ETV4: variants seen among roughly 807,000 people sequenced by gnomAD.
The protein encoded by ETV4 is ETS variant transcription factor 4.
A neutral mutation model predicts 65.9 loss-of-function variants in ETV4; 42 were observed. The observed-to-expected ratio is 0.64, with a 90% CI of 0.50 to 0.82. The LOEUF is 0.82. Ranked by LOEUF, ETV4 falls within the 40% of genes least tolerant of loss-of-function variation. The pLI, the probability that ETV4 is intolerant of heterozygous loss-of-function variation, is 0.00. For synonymous variants in ETV4, 238 were observed against 260.0 expected, an observed-to-expected ratio of 0.92 and a Z score of 0.81; for missense variants, 583 against 630.3, an observed-to-expected ratio of 0.92 and a Z score of 0.80.
At position 43,530,198 on chromosome 17, in the gene ETV4, G is replaced by A. The variant is rs1346691663; in HGVS notation, c.812-17C>T. On this transcript the variant is annotated splice_polypyrimidine_tract_variant and intron_variant, in intron 8 of 12. Coordinates refer to ENST00000319349, the MANE Select transcript of ETV4 (RefSeq NM_001079675.5). Reference sequence around the variant, plus strand: ...CGGTGACATCTGTGGGGGAAGAAGGGGTGATGTGAGAAGTGGCTTGGGGTG... The same window carrying A: ...CGGTGACATCTGTGGGGGAAGAAGGAGTGATGTGAGAAGTGGCTTGGGGTG... 8.4e-6 allele frequency: 13 copies of A among 1,553,024 alleles called. No individual in the cohort carries two copies. Among genetic ancestry groups the A allele is most frequent in the Middle Eastern group, 1.7e-4 (1 of 6,022 alleles).
In ETV4 at chr17:43,532,790, G is replaced by A. The variant is rs1971016458; in HGVS notation, c.695C>T (p.Pro232Leu). 1.2e-6 allele frequency: 2 copies of A among 1,614,008 alleles called. No homozygotes were observed. Among genetic ancestry groups the A allele is most frequent in the African/African-American group, 1.3e-5 (1 of 75,000 alleles). The change falls in exon 8 of 13, where the codon CCC (proline) becomes CTC (leucine). Residue 232 changes from proline (P) to leucine (L), a missense_variant. By Grantham distance (98) the Pro-to-Leu change is moderately conservative. Coordinates refer to ENST00000319349, the MANE Select transcript of ETV4 (RefSeq NM_001079675.5). ...TGGCTGGCCCGCCTGTTCATACAGG[G>A]GATCATGGTATTCTTGCTTAAAGCT... ...QQSFKQEYHD[P>L]LYEQAGQPAV...
intron 4 of ETV4, among the ~76,000 whole-genome samples, chr17:43,541,128 G>T (rs1490216762): frequency 6.6e-6 from 1 of 152,124 alleles, no homozygotes; most frequent in Non-Finnish European, 1.5e-5. Context: ...AAGAGGTGGT[G>T]CCATCCTCTT....
In ETV4 at chr17:43,532,756, GTC is replaced by G; in HGVS notation, c.727_728del (p.Asp243ProfsTer49). On this transcript the variant is annotated frameshift_variant, in exon 8 of 13. Transcript: ENST00000319349. LOFTEE classifies it high-confidence loss of function. ...ACCTGTGCCCATTGACCCCACCCTG[GTC>G]CACGGCTGGCTGGCCCGCCTGTTCA... ...LYEQAGQPAV[D>X]QGGVNGHRYP... The G allele has an allele frequency of 6.2e-7, 1 of 1,613,972 alleles. No individual in the cohort carries two copies.
Position 43,529,942 on chromosome 17 carries a change from A to G in ETV4, c.897T>C (p.Tyr299=), listed in dbSNP as rs917050758. Residue 299 remains tyrosine (Y), a synonymous_variant, in exon 10 of 13, where the codon TAT becomes TAC. Transcript: ENST00000319349. ...SPGDGAMGYG[Y]EKPLRPFPDD... Reference sequence around the variant, plus strand: ...CTGGGAATGGTCGCAGAGGTTTCTCATAGCCATAGCCTTGTGGAGGAAATT... The same window carrying G: ...CTGGGAATGGTCGCAGAGGTTTCTCGTAGCCATAGCCTTGTGGAGGAAATT... The G allele has an allele frequency of 5.0e-6, 8 of 1,613,214 alleles. No homozygotes were observed. In the African/African-American group the frequency reaches 6.7e-5, roughly 13 times the overall value.
chr17:43,536,588 C>T, intron 4 of ETV4, 109 bp from the exon 5 acceptor site: 1 of 892,506 alleles, frequency 1.1e-6, no homozygotes, highest in Non-Finnish European at 1.8e-6. Flanking sequence ...GGACCAACAG[C>T]CTTTAGATCA....
At chr17:43,544,932 CT>C (rs1971722457) in intron 4 of ETV4, 42 bp downstream of exon 4, 8 of 1,593,512 alleles carry the variant, frequency 5.0e-6, no homozygotes, top group African/African-American at 2.7e-5. Flanking sequence ...GAGTGTCCCC[CT>C]GTCCAGCCTC....
chr17:43,544,781 A>G, intron 4 of ETV4, 194 bp downstream of exon 4: 1 of 555,468 alleles, frequency 1.8e-6, no homozygotes, highest in Non-Finnish European at 3.3e-6. Flanking sequence ...TAGAGAAAAT[A>G]AATATCAATA....
rs746055784 is a variant in ETV4 at position 43,532,935 on chromosome 17, C to T, written c.550G>A (p.Val184Ile). Residue 184 changes from valine (V) to isoleucine (I), a missense_variant, in exon 8 of 13, where the codon GTC becomes ATC. Transcript: ENST00000319349. ...GHGYLGEHSS[V>I]FQQPLDICHS... ...CAAATGTCCAGGGGCTGCTGGAAGA[C>T]GGAGCTGGATGTGGTTGGATGGAGA... 21 of 1,564,870 alleles carry T rather than the reference C, an allele frequency of 1.3e-5. No homozygotes were observed. The highest frequency in any genetic ancestry group is 5.7e-5 in the Admixed American group (3 of 52,726).
chr17:43,545,689 G>T, intron 1 of ETV4, 21 bp from the exon 2 acceptor site: 2 of 1,321,384 alleles, frequency 1.5e-6, no homozygotes, highest in Non-Finnish European at 2.1e-6. Flanking sequence ...AGGGGGCTGC[G>T]TTCGCACACC....
chr17:43,529,687 C>G lies in ETV4; in HGVS notation c.956-11G>C. On this transcript the variant is annotated splice_polypyrimidine_tract_variant and intron_variant, in intron 10 of 12. Transcript: ENST00000319349. Reference sequence around the variant, plus strand: ...CCTGCTTGATGTCTCCTGGGGAACACGAAAATAGGAGGTGTGGGGTTTGTG... The same window carrying G: ...CCTGCTTGATGTCTCCTGGGGAACAGGAAAATAGGAGGTGTGGGGTTTGTG... The G allele has an allele frequency of 6.2e-7, 1 of 1,601,930 alleles. No homozygotes were observed. The highest frequency in any genetic ancestry group is 8.5e-7 in the Non-Finnish European group (1 of 1,172,426).
Position 43,528,587 on chromosome 17 carries a change from G to C in ETV4, c.1387C>G (p.Pro463Ala). The C allele has an allele frequency of 1.2e-6, 2 of 1,614,080 alleles. No individual in the cohort carries two copies. Among genetic ancestry groups the C allele is most frequent in the Non-Finnish European group, 1.7e-6 (2 of 1,179,994 alleles). Residue 463 changes from proline (P) to alanine (A), a missense_variant, in exon 13 of 13, where the codon CCC becomes GCC. Transcript: ENST00000319349. ...TVPLSHLDES[P>A]AYLPELAGPA... ...CCAGCCAGCTCTGGGAGGTAGGCGG[G>C]GCTCTCATCCAAGTGGGACAAAGGG...
At chr17:43,533,594 T>C (rs1971076966) in intron 6 of ETV4, among the ~76,000 whole-genome samples, 1 of 151,948 alleles carries the variant, frequency 6.6e-6, no homozygotes, top group Non-Finnish European at 1.5e-5. Flanking sequence ...GATTTGTTGC[T>C]CAGAGCAATG....
intron 4 of ETV4, among the ~76,000 whole-genome samples, chr17:43,539,991 A>G (rs1288984619): frequency 6.6e-6 from 1 of 152,206 alleles, no homozygotes; most frequent in African/African-American, 2.4e-5. Context: ...AGTCAACATA[A>G]TAATACTTTG....
Position 43,529,676 on chromosome 17 carries a change from C to A in ETV4, c.956G>T (p.Gly319Val). ...DVCVVPEKFEGDIKQEGVGAF... is the reference protein window; with the variant it reads ...DVCVVPEKFEVDIKQEGVGAF... ...ACCGACCCCTTCCTGCTTGATGTCTCCTGGGGAACACGAAAATAGGAGGTG... is the reference window on the plus strand; with the variant it reads ...ACCGACCCCTTCCTGCTTGATGTCTACTGGGGAACACGAAAATAGGAGGTG... Residue 319 changes from glycine (G) to valine (V), a missense_variant and splice_region_variant, in exon 11 of 13, where the codon GGA (glycine) becomes GTA (valine). Transcript: ENST00000319349. 6.2e-7 allele frequency: 1 copy of A among 1,605,774 alleles called. No individual in the cohort carries two copies. The highest frequency in any genetic ancestry group is 1.1e-5 in the South Asian group (1 of 90,492).
rs1840664213 is a variant in ETV4, at chr17:43,530,130, G to A, written c.863C>T (p.Pro288Leu). Reference protein sequence around the residue: ...MYLHTEGFSGPSPGDGAMGYG... With the variant: ...MYLHTEGFSGLSPGDGAMGYG... Reference sequence around the variant, plus strand: ...ACCCATGGCCCCGTCACCTGGAGAGGGCCCAGAGAAGCCCTCTGTGTGGAG... The same window carrying A: ...ACCCATGGCCCCGTCACCTGGAGAGAGCCCAGAGAAGCCCTCTGTGTGGAG... Residue 288 changes from proline to leucine, a missense_variant, in exon 9 of 13, where the codon CCC (proline) becomes CTC (leucine). Coordinates refer to ENST00000319349, the MANE Select transcript of ETV4 (RefSeq NM_001079675.5). 6.4e-7 allele frequency: 1 copy of A among 1,574,326 alleles called. No individual in the cohort carries two copies. The highest frequency in any genetic ancestry group is 1.1e-5 in the South Asian group (1 of 87,568).
At chr17:43,545,161 T>G in intron 3 of ETV4, 113 bp downstream of exon 3, 1 of 1,279,830 alleles carries the variant, frequency 7.8e-7, no homozygotes, top group South Asian at 1.2e-5. Context: ...GGGCGAGTTT[T>G]TTGGGGAAAC....
chr17:43,530,847 T>G (rs1261212725), intron 8 of ETV4, among the ~76,000 whole-genome samples: 1 of 150,434 alleles, frequency 6.6e-6, no homozygotes, highest in Non-Finnish European at 1.5e-5. Context: ...CACTCCCACC[T>G]ATGAATGAGA....
chr17:43,533,095 C>T (rs1449745087), intron 7 of ETV4, 92 bp downstream of exon 7: 4 of 1,538,934 alleles, frequency 2.6e-6, no homozygotes, highest in Non-Finnish European at 3.5e-6. Flanking sequence ...CCCCCTGCCT[C>T]TACCACCCCA....
intron 4 of ETV4, among the ~76,000 whole-genome samples, chr17:43,541,216 C>T (rs1290076427): frequency 8.5e-5 from 13 of 152,220 alleles, no homozygotes. Context: ...TAGGCCAGGG[C>T]CCTCAGTCAT....
Sources: allele counts gnomAD v4.1 joint callset (sites outside exome capture counted in the v4.1 genomes callset), GRCh38; gene constraint gnomAD v4.1.1; transcripts MANE v1.5; gene names NCBI Gene and HGNC (gene_info 2026-07-23, HGNC 2026-07-21).